ERP44: variants seen among roughly 807,000 people sequenced by gnomAD.
ERP44 encodes the protein endoplasmic reticulum resident protein 44.
ERP44 carries 25 observed loss-of-function variants against 53.4 expected under a neutral mutation model. That is an observed-to-expected ratio of 0.47 (90% CI 0.34 to 0.65). The LOEUF (loss-of-function observed/expected upper bound fraction) is 0.65. Ranked by LOEUF, ERP44 falls within the 30% of genes least tolerant of loss-of-function variation. The pLI, the probability that ERP44 is intolerant of heterozygous loss-of-function variation, is 0.01. For synonymous variants in ERP44, 145 were observed against 161.2 expected (o/e 0.90, Z 0.76); for missense variants, 338 against 493.2 (o/e 0.69, Z 2.98).
chr9:100,041,177 C>T (rs192046959), intron 4 of ERP44, among the ~76,000 whole-genome samples: 83 of 152,060 alleles, frequency 5.5e-4, no homozygotes, highest in African/African-American at 1.4e-3. Flanking sequence ...CCACAAAAGA[C>T]GCAGAATAGC....
chr9:100,059,643 A>G (rs1348494723), intron 2 of ERP44, among the ~76,000 whole-genome samples: 3 of 152,136 alleles, frequency 2.0e-5, no homozygotes, highest in African/African-American at 7.2e-5. Flanking sequence ...GTGAGCTATA[A>G]TATTATCATG....
At chr9:100,006,261 C>T (rs1054656527) in intron 10 of ERP44, among the ~76,000 whole-genome samples, 1 of 152,150 alleles carries the variant, frequency 6.6e-6, no homozygotes, top group African/African-American at 2.4e-5. Context: ...AATCACTAAT[C>T]ATCCAAGCAT....
intron 4 of ERP44, among the ~76,000 whole-genome samples, chr9:100,043,140 T>C (rs1825926513): frequency 6.6e-6 from 1 of 150,974 alleles, no homozygotes; most frequent in East Asian, 2.0e-4. Flanking sequence ...GCACCTGTAG[T>C]CCCAGCTACT....
chr9:100,096,143 A>G (rs913478419), intron 1 of ERP44, among the ~76,000 whole-genome samples: 12 of 152,108 alleles, frequency 7.9e-5, no homozygotes, highest in African/African-American at 2.4e-4. Context: ...ACAAATCTGA[A>G]CTACAGAAGA....
intron 1 of ERP44, among the ~76,000 whole-genome samples, chr9:100,075,471 C>A (rs182133393): frequency 1.3e-5 from 2 of 152,270 alleles, no homozygotes; most frequent in Non-Finnish European, 2.9e-5. Flanking sequence ...TTCGGAGAGA[C>A]CCTGATTGCT....
chr9:99,996,282 T>C (rs1005168712), intron 10 of ERP44, among the ~76,000 whole-genome samples: 4 of 152,144 alleles, frequency 2.6e-5, no homozygotes, highest in South Asian at 4.1e-4. Context: ...TTAGATCCTG[T>C]GAGAGTGAGT....
At chr9:100,092,775 T>A (rs1247465009) in intron 1 of ERP44, among the ~76,000 whole-genome samples, 1 of 152,196 alleles carries the variant, frequency 6.6e-6, no homozygotes, top group Middle Eastern at 3.2e-3. Context: ...TTGGTTGTAA[T>A]CAAAGAAATG....
At chr9:100,017,791 A>T (rs1315678289) in intron 7 of ERP44, among the ~76,000 whole-genome samples, 1 of 152,210 alleles carries the variant, frequency 6.6e-6, no homozygotes, top group Non-Finnish European at 1.5e-5. Flanking sequence ...GCAGCTACTT[A>T]AAACTTCTTA....
intron 1 of ERP44, among the ~76,000 whole-genome samples, chr9:100,080,658 C>T (rs897714030): frequency 3.3e-5 from 5 of 152,092 alleles, no homozygotes; most frequent in Non-Finnish European, 7.4e-5. Flanking sequence ...GCAGGGAGCA[C>T]TGCATGGGTT....
intron 1 of ERP44, among the ~76,000 whole-genome samples, chr9:100,086,936 CAT>C (rs1290554325): frequency 6.6e-6 from 1 of 151,546 alleles, no homozygotes; most frequent in Admixed American, 6.6e-5. Flanking sequence ...AGTTTACAAA[CAT>C]GTATATTATC....
intron 1 of ERP44, 50 bp downstream of exon 1, chr9:100,098,734 C>A (rs763164597): frequency 6.6e-7 from 1 of 1,507,002 alleles, no homozygotes; most frequent in Admixed American, 1.7e-5. Context: ...TGGGCGAGGG[C>A]CGGAGGCCGT....
chr9:100,044,401 T>C (rs992801289), intron 4 of ERP44, among the ~76,000 whole-genome samples: 1 of 152,132 alleles, frequency 6.6e-6, no homozygotes, highest in Admixed American at 6.5e-5. Flanking sequence ...TAGGCTAGAA[T>C]ATTAAATGAA....
intron 1 of ERP44, among the ~76,000 whole-genome samples, chr9:100,068,531 C>A (rs1043653988): frequency 2.8e-5 from 4 of 145,352 alleles, no homozygotes; most frequent in African/African-American, 1.0e-4. Flanking sequence ...GGGGTTCAGC[C>A]CCCCGCCCGG....
In ERP44 at chr9:99,980,148, A is replaced by G. The variant is rs1192115472; in HGVS notation, c.*2464T>C. 7.5e-6 allele frequency: 3 copies of G among 398,274 alleles called. No homozygotes were observed. The highest frequency in any genetic ancestry group is 3.6e-5 in the East Asian group (1 of 28,062). 24.7% of individuals were successfully genotyped at this position (398,274 alleles called of 1,614,324 possible). A position where few individuals can be genotyped will look rare whatever the true frequency, so the allele number is the denominator to read the frequency against. On this transcript the variant is annotated 3_prime_UTR_variant, in exon 12 of 12. Transcript: ENST00000262455. The stretch of plus-strand genomic sequence containing the variant: ...AAAATAATGTCCTCAAATCTCTGCA[A>G]TTGAGTGCTCCTTTATGCCCTCTTT...
At chr9:100,079,250 C>T (rs1230343622) in intron 1 of ERP44, among the ~76,000 whole-genome samples, 2 of 152,194 alleles carry the variant, frequency 1.3e-5, no homozygotes, top group African/African-American at 4.8e-5. Context: ...GCTTCCCAGC[C>T]TACATCCTTC....
intron 4 of ERP44, among the ~76,000 whole-genome samples, chr9:100,049,094 T>G (rs1481936681): frequency 6.6e-6 from 1 of 152,156 alleles, no homozygotes; most frequent in Non-Finnish European, 1.5e-5. Flanking sequence ...AAGACTTGTA[T>G]TCACAATATA....
intron 10 of ERP44, among the ~76,000 whole-genome samples, chr9:100,004,556 G>A (rs1830409160): frequency 6.6e-6 from 1 of 152,206 alleles, no homozygotes; most frequent in African/African-American, 2.4e-5. Context: ...GTTTTACCAG[G>A]ACAAGCCAAG....
At chr9:100,044,086 T>C (rs1017115493) in intron 4 of ERP44, among the ~76,000 whole-genome samples, 5 of 152,222 alleles carry the variant, frequency 3.3e-5, no homozygotes, top group Non-Finnish European at 5.9e-5. Context: ...ACATAAAATT[T>C]TGCCTTACGA....
At chr9:100,046,088 T>C (rs1825964214) in intron 4 of ERP44, among the ~76,000 whole-genome samples, 1 of 151,896 alleles carries the variant, frequency 6.6e-6, no homozygotes, top group South Asian at 2.1e-4. Context: ...AATTTAACAA[T>C]CAATGCCATT....
Sources: gnomAD v4.1 joint callset for allele counts (sites outside exome capture counted in the v4.1 genomes callset) on GRCh38, gnomAD v4.1.1 for gene constraint, MANE v1.5 for transcripts, NCBI Gene and HGNC (gene_info 2026-07-23, HGNC 2026-07-21) for gene names.